Variants in LSAMP observed in about 807,000 individuals in gnomAD.
The protein encoded by LSAMP is limbic system associated membrane protein, also known as limbic system-associated membrane protein.
LSAMP carries 7 observed loss-of-function variants against 38.6 expected under a neutral mutation model. The ratio of observed to expected loss-of-function variants is 0.18; its 90% CI spans 0.10 to 0.34. The LOEUF is 0.34. Among genes scored for constraint, LSAMP ranks in the 10% least tolerant of loss-of-function variants. The probability of loss-of-function intolerance (pLI) is 1.00; values close to 1 mark genes in which losing one functional copy is unlikely to be tolerated. For missense variants in LSAMP, 313 were observed against 420.0 expected (o/e 0.75, Z 2.23); for synonymous variants, 154 against 166.8 (o/e 0.92, Z 0.59).
intron 1 of LSAMP, among the ~76,000 whole-genome samples, chr3:116,371,906 A>C (rs1272263580): frequency 6.6e-6 from 1 of 152,142 alleles, no homozygotes; most frequent in Non-Finnish European, 1.5e-5. Flanking sequence ...TCTGAAAAGA[A>C]ATGTTTGGAA....
intron 3 of LSAMP, among the ~76,000 whole-genome samples, chr3:115,919,926 A>G (rs1167646914): frequency 6.6e-6 from 1 of 152,184 alleles, no homozygotes; most frequent in Non-Finnish European, 1.5e-5. Context: ...ACTACTTTAG[A>G]TACCAATATA....
chr3:116,068,529 G>A (rs1408305412), intron 2 of LSAMP, among the ~76,000 whole-genome samples: 1 of 152,180 alleles, frequency 6.6e-6, no homozygotes, highest in Non-Finnish European at 1.5e-5. Context: ...AGTACTCAAT[G>A]ATTATCAGTT....
intron 1 of LSAMP, among the ~76,000 whole-genome samples, chr3:116,249,000 T>G (rs1272598995): frequency 6.6e-6 from 1 of 151,834 alleles, no homozygotes; most frequent in Non-Finnish European, 1.5e-5. Context: ...TACAAAAAAA[T>G]TAGCCGGGCA....
At chr3:115,881,485 G>A (rs1199232430) in intron 3 of LSAMP, among the ~76,000 whole-genome samples, 2 of 152,040 alleles carry the variant, frequency 1.3e-5, no homozygotes, top group Non-Finnish European at 2.9e-5. Flanking sequence ...TTCTTCCACC[G>A]ACCTTGTTAA....
intron 3 of LSAMP, among the ~76,000 whole-genome samples, chr3:115,876,917 A>G (rs1040365664): frequency 6.6e-6 from 1 of 152,052 alleles, no homozygotes; most frequent in East Asian, 1.9e-4. Context: ...GTTTTTCTTC[A>G]TAAGAACTGT....
intron 1 of LSAMP, among the ~76,000 whole-genome samples, chr3:116,351,416 C>G (rs1232972783): frequency 6.6e-6 from 1 of 152,058 alleles, no homozygotes; most frequent in Non-Finnish European, 1.5e-5. Flanking sequence ...AGCTTTGGAA[C>G]CTGACAGGGG....
chr3:115,840,305 A>G (rs1263177137), intron 6 of LSAMP, among the ~76,000 whole-genome samples: 2 of 152,216 alleles, frequency 1.3e-5, no homozygotes, highest in African/African-American at 4.8e-5. Context: ...AGGTCAACTC[A>G]GATTTGGTAA....
At chr3:116,014,207 G>A (rs559762638) in intron 3 of LSAMP, among the ~76,000 whole-genome samples, 6 of 152,252 alleles carry the variant, frequency 3.9e-5, no homozygotes, top group Admixed American at 2.0e-4. Context: ...GTCAAGAGGT[G>A]TGTGTATTAG....
chr3:116,187,744 A>C (rs1386406481), intron 1 of LSAMP, among the ~76,000 whole-genome samples: 1 of 151,994 alleles, frequency 6.6e-6, no homozygotes, highest in Non-Finnish European at 1.5e-5. Context: ...TCACATTCTG[A>C]TTTATTTTAT....
At chr3:115,867,079 G>C (rs1289276757) in intron 3 of LSAMP, among the ~76,000 whole-genome samples, 1 of 151,476 alleles carries the variant, frequency 6.6e-6, no homozygotes, top group Non-Finnish European at 1.5e-5. Context: ...AACTGTTTGG[G>C]GTAGCTAGGA....
At chr3:115,920,754 G>A (rs1356829654) in intron 3 of LSAMP, among the ~76,000 whole-genome samples, 1 of 151,980 alleles carries the variant, frequency 6.6e-6, no homozygotes, top group Non-Finnish European at 1.5e-5. Context: ...TATTCATCTT[G>A]TATATGGATG....
chr3:116,046,711 A>C (rs377306569), intron 2 of LSAMP, among the ~76,000 whole-genome samples: 1 of 152,246 alleles, frequency 6.6e-6, no homozygotes, highest in East Asian at 1.9e-4. Context: ...GCAGTTGTGC[A>C]TAATAGTCTG....
At chr3:116,296,865 T>G (rs76481338) in intron 1 of LSAMP, among the ~76,000 whole-genome samples, 3 of 151,988 alleles carry the variant, frequency 2.0e-5, no homozygotes, top group African/African-American at 7.2e-5. Context: ...CATGGAAAAA[T>G]AGTCCAAATT....
rs371208339 is a variant in LSAMP, at chr3:115,840,197, T to C, written c.919+1648A>G. 6.6e-5 allele frequency among the ~76,000 whole-genome samples: 10 copies of C among 152,338 alleles called. 1 individual carries two copies. The highest frequency in any genetic ancestry group is 4.1e-4 in the South Asian group (2 of 4,820). On this transcript the variant is annotated intron_variant, in intron 6 of 6. Transcript: ENST00000490035. ...TACTTTAATGCAAATATGTAATTGC[T>C]TGCTTTCTGTAACTCATCCAATTGT...
intron 3 of LSAMP, among the ~76,000 whole-genome samples, chr3:115,989,631 T>C (rs1330553752): frequency 6.6e-6 from 1 of 152,088 alleles, no homozygotes; most frequent in Admixed American, 6.6e-5. Flanking sequence ...TGGTCTGGTA[T>C]ATCTTTTTGT....
At chr3:116,420,106 T>C (rs1222204583) in intron 1 of LSAMP, among the ~76,000 whole-genome samples, 1 of 151,848 alleles carries the variant, frequency 6.6e-6, no homozygotes, top group South Asian at 2.1e-4. Flanking sequence ...CTTTTCTTTT[T>C]TTTTTTTTCA....
intron 1 of LSAMP, among the ~76,000 whole-genome samples, chr3:116,198,640 G>A (rs1006775829): frequency 6.6e-6 from 1 of 152,014 alleles, no homozygotes; most frequent in Admixed American, 6.5e-5. Flanking sequence ...GCTTCGTAGC[G>A]GGCAGCTGTA....
intron 2 of LSAMP, among the ~76,000 whole-genome samples, chr3:116,051,693 A>G (rs998903783): frequency 6.6e-6 from 1 of 152,148 alleles, no homozygotes; most frequent in Admixed American, 6.5e-5. Flanking sequence ...CTTCTTGACC[A>G]GATCTGGCTG....
chr3:116,371,403 C>G (rs904289199), intron 1 of LSAMP, among the ~76,000 whole-genome samples: 5 of 151,896 alleles, frequency 3.3e-5, no homozygotes, highest in Admixed American at 2.6e-4. Flanking sequence ...AAAAATTGAT[C>G]AATGTAATAT....
Sources: allele counts gnomAD v4.1 joint callset (sites outside exome capture counted in the v4.1 genomes callset), GRCh38; gene constraint gnomAD v4.1.1; transcripts MANE v1.5; gene names NCBI Gene and HGNC (gene_info 2026-07-23, HGNC 2026-07-21).